Variants in ST6GAL2 observed in about 807,000 individuals in gnomAD.
ST6GAL2 encodes the protein beta-galactoside alpha-2,6-sialyltransferase 2.
Under a neutral mutation model 37.5 loss-of-function variants are expected in ST6GAL2, and 24 were observed. The observed-to-expected ratio is 0.64, with a 90% CI of 0.46 to 0.90. The LOEUF (loss-of-function observed/expected upper bound fraction) is 0.90, where lower values mean the gene tolerates loss of function less well. Among genes scored for constraint, ST6GAL2 ranks in the 40% least tolerant of loss-of-function variants. ST6GAL2 has a pLI of 0.00. For missense variants in ST6GAL2, 715 were observed against 712.7 expected, an observed-to-expected ratio of 1.00 and a Z score of -0.04; for synonymous variants, 306 against 295.1, an observed-to-expected ratio of 1.04 and a Z score of -0.38.
chr2:106,830,765 A>G (rs1676390719), intron 4 of ST6GAL2, among the ~76,000 whole-genome samples: 1 of 152,188 alleles, frequency 6.6e-6, no homozygotes, highest in Non-Finnish European at 1.5e-5. Flanking sequence ...AGTAACAGAA[A>G]TTGTATCGTT....
intron 1 of ST6GAL2, among the ~76,000 whole-genome samples, chr2:106,874,231 A>T (rs767187567): frequency 1.3e-5 from 2 of 152,132 alleles, no homozygotes; most frequent in Non-Finnish European, 2.9e-5. Context: ...GCAAGTAGGG[A>T]CCATTAAATC....
At chr2:106,812,012 A>C (rs1016444812) in intron 5 of ST6GAL2, among the ~76,000 whole-genome samples, 51 of 152,114 alleles carry the variant, frequency 3.4e-4, no homozygotes, top group Admixed American at 2.4e-3. Context: ...TACGAACTGA[A>C]TGTGTCTCCA....
chr2:106,827,781 C>A (rs1215898865), intron 5 of ST6GAL2, among the ~76,000 whole-genome samples: 1 of 152,172 alleles, frequency 6.6e-6, no homozygotes, highest in Admixed American at 6.5e-5. Context: ...TCCTCTTATT[C>A]AGTTTGACAT....
At position 106,843,506 on chromosome 2, in the gene ST6GAL2, G is replaced by A; in HGVS notation, c.472C>T (p.Pro158Ser). ...LGFPSPGEPG[P>S]REGAFPAAQV... Reference sequence around the variant, plus strand: ...GCAGCCGGAAAAGCCCCCTCCCGTGGGCCTGGCTCCCCGGGGGAAGGGAAT... The same window carrying A: ...GCAGCCGGAAAAGCCCCCTCCCGTGAGCCTGGCTCCCCGGGGGAAGGGAAT... Residue 158 changes from proline (P) to serine (S), a missense_variant, in exon 2 of 6, where the codon CCA becomes TCA. By Grantham distance (74) the Pro-to-Ser change is moderately conservative. This residue lies in a region of ST6GAL2 where 512 missense variants were observed against 488.8 expected (regional missense o/e 1.05). Transcript: ENST00000409382. The A allele has an allele frequency of 6.2e-7, 1 of 1,614,044 alleles. No homozygotes were observed. Among genetic ancestry groups the A allele is most frequent in the South Asian group, 1.1e-5 (1 of 91,078 alleles).
chr2:106,863,943 C>G (rs1288406271), intron 1 of ST6GAL2, among the ~76,000 whole-genome samples: 1 of 152,158 alleles, frequency 6.6e-6, no homozygotes, highest in Non-Finnish European at 1.5e-5. Flanking sequence ...GTTTAAAACG[C>G]AACTACCTGG....
chr2:106,883,692 T>C lies in ST6GAL2; in HGVS notation c.-58+2401A>G, dbSNP rs535690841. ...AGACATTTATGCATGCTGAATTAAGTACTTAATTTAATTTAAGCAATTAAA... is the reference window on the plus strand; with the variant it reads ...AGACATTTATGCATGCTGAATTAAGCACTTAATTTAATTTAAGCAATTAAA... On this transcript the variant is annotated intron_variant, in intron 1 of 5. Transcript: ENST00000409382. Among the ~76,000 whole-genome samples the C allele has an allele frequency of 1.2e-4, 18 of 152,304 alleles. 1 individual carries two copies. Among genetic ancestry groups the C allele is most frequent in the Middle Eastern group, 3.4e-3 (1 of 294 alleles).
chr2:106,875,594 G>T (rs1330671099), intron 1 of ST6GAL2, among the ~76,000 whole-genome samples: 3 of 152,208 alleles, frequency 2.0e-5, no homozygotes, highest in African/African-American at 7.2e-5. Flanking sequence ...GTACGGGAAA[G>T]GCCTGGATTG....
chr2:106,830,684 G>A (rs758055585), intron 4 of ST6GAL2, among the ~76,000 whole-genome samples: 12 of 152,182 alleles, frequency 7.9e-5, no homozygotes, highest in Non-Finnish European at 1.8e-4. Context: ...TTTCGCCCAT[G>A]GGTGTAGTTT....
intron 1 of ST6GAL2, among the ~76,000 whole-genome samples, chr2:106,877,185 T>C (rs958679718): frequency 6.6e-6 from 1 of 152,208 alleles, no homozygotes; most frequent in African/African-American, 2.4e-5. Context: ...AATCCTCTTA[T>C]GGCCTTCTGT....
intron 1 of ST6GAL2, among the ~76,000 whole-genome samples, chr2:106,858,072 G>A (rs1293640193): frequency 6.6e-6 from 1 of 152,206 alleles, no homozygotes; most frequent in Non-Finnish European, 1.5e-5. Context: ...GTGAGTCACT[G>A]TTCCCTTGTG....
At chr2:106,883,460 T>G (rs1300824107) in intron 1 of ST6GAL2, among the ~76,000 whole-genome samples, 2 of 152,234 alleles carry the variant, frequency 1.3e-5, no homozygotes, top group Non-Finnish European at 2.9e-5. Context: ...AAAATTGGTG[T>G]AAGAACATTG....
Position 106,801,891 on chromosome 2 carries a change from T to G in ST6GAL2, c.*4787A>C, listed in dbSNP as rs1029984440. 4 of 152,124 alleles carry G rather than the reference T, an allele frequency of 2.6e-5. No homozygotes were observed. Among genetic ancestry groups the G allele is most frequent in the African/African-American group, 9.6e-5 (4 of 41,470 alleles). The allele number at this position is 152,124 out of a possible 1,614,324, so 9.4% of individuals were successfully genotyped here. Reference sequence around the variant, plus strand: ...AGAATAAAACAGGATTTGTTATAAATGTTAGATTTTAACACCACCAATGCA... The same window carrying G: ...AGAATAAAACAGGATTTGTTATAAAGGTTAGATTTTAACACCACCAATGCA... On this transcript the variant is annotated 3_prime_UTR_variant, in exon 6 of 6. Transcript: ENST00000409382.
intron 1 of ST6GAL2, among the ~76,000 whole-genome samples, chr2:106,848,455 C>T (rs1677232685): frequency 1.3e-5 from 2 of 152,216 alleles, no homozygotes; most frequent in South Asian, 4.1e-4. Flanking sequence ...TTTCTGATTT[C>T]AGCATTTGCT....
In ST6GAL2 at chr2:106,843,898, A is replaced by G; in HGVS notation, c.80T>C (p.Phe27Ser). The change falls in exon 2 of 6, where the codon TTC becomes TCC. Residue 27 changes from phenylalanine (F) to serine (S), a missense_variant. By Grantham distance (155) the Phe-to-Ser change is radical. This residue lies in a region of ST6GAL2 where 512 missense variants were observed against 488.8 expected (regional missense o/e 1.05). Coordinates refer to ENST00000409382, the MANE Select transcript of ST6GAL2 (RefSeq NM_001142351.2). Reference sequence around the variant, plus strand: ...GGGGTTGCTGTCGGTGAAGTAGATGAAAATCAGCAAAAAGAGGAGCCCCCA... The same window carrying G: ...GGGGTTGCTGTCGGTGAAGTAGATGGAAATCAGCAAAAAGAGGAGCCCCCA... ...FAWGLLFLLIFIYFTDSNPAE... is the reference protein window; with the variant it reads ...FAWGLLFLLISIYFTDSNPAE... 6.2e-7 allele frequency: 1 copy of G among 1,603,942 alleles called. No homozygotes were observed. The highest frequency in any genetic ancestry group is 8.5e-7 in the Non-Finnish European group (1 of 1,179,026).
At chr2:106,857,442 A>G (rs186147862) in intron 1 of ST6GAL2, among the ~76,000 whole-genome samples, 1 of 152,180 alleles carries the variant, frequency 6.6e-6, no homozygotes, top group East Asian at 1.9e-4. Flanking sequence ...GTCTCTACCA[A>G]AAAATACAAA....
intron 1 of ST6GAL2, among the ~76,000 whole-genome samples, chr2:106,857,532 A>G (rs1485927349): frequency 2.0e-5 from 3 of 152,134 alleles, no homozygotes; most frequent in Non-Finnish European, 4.4e-5. Context: ...TAAATCCAGG[A>G]GGCTGAGGTT....
rs542912755 is a variant in ST6GAL2 at position 106,879,828 on chromosome 2, T to C, written c.-58+6265A>G. The stretch of plus-strand genomic sequence containing the variant: ...CAAATTATATACTATTATATATAGA[T>C]AATTAATCTATATATAATCTATAAA... On this transcript the variant is annotated intron_variant, in intron 1 of 5. Coordinates refer to ENST00000409382, the MANE Select transcript of ST6GAL2 (RefSeq NM_001142351.2). Among the ~76,000 whole-genome samples the C allele has an allele frequency of 2.0e-5, 3 of 147,816 alleles. No homozygotes were observed. The East Asian group carries it at 5.9e-4, about 29-fold the overall frequency.
intron 1 of ST6GAL2, among the ~76,000 whole-genome samples, chr2:106,861,724 A>G (rs1677806152): frequency 6.6e-6 from 1 of 151,116 alleles, no homozygotes; most frequent in Non-Finnish European, 1.5e-5. Flanking sequence ...TGTGTCTCCC[A>G]GGTTCAAGCG....
intron 1 of ST6GAL2, among the ~76,000 whole-genome samples, chr2:106,867,407 C>T (rs1403082800): frequency 6.6e-6 from 1 of 152,164 alleles, no homozygotes; most frequent in Non-Finnish European, 1.5e-5. Context: ...AAGTTTTTCC[C>T]CTTTCTCTGA....
Sources: gnomAD v4.1 joint callset for allele counts (sites outside exome capture counted in the v4.1 genomes callset) on GRCh38, gnomAD v4.1.1 for gene constraint, gnomAD v4.1.1 regional missense constraint, MANE v1.5 for transcripts, NCBI Gene and HGNC (gene_info 2026-07-23, HGNC 2026-07-21) for gene names.